Variants in TCP10L observed in about 807,000 individuals in gnomAD.
TCP10L encodes t-complex 10 like.
A neutral mutation model predicts 19.2 loss-of-function variants in TCP10L; 11 were observed. That is an observed-to-expected ratio of 0.57 (90% CI 0.36 to 0.95). TCP10L has a LOEUF of 0.95. Ranked by LOEUF, TCP10L falls within the 40% of genes least tolerant of loss-of-function variation. The probability of loss-of-function intolerance (pLI) is 0.01; values close to 1 mark genes in which losing one functional copy is unlikely to be tolerated. For synonymous variants in TCP10L, 96 were observed against 97.2 expected (o/e 0.99, Z 0.07); for missense variants, 247 against 263.9 (o/e 0.94, Z 0.44).
In TCP10L at chr21:32,578,369, A is replaced by G. The variant is rs1422675967; in HGVS notation, c.498+325T>C. Among the ~76,000 whole-genome samples, 1 of 152,244 alleles carries G rather than the reference A, an allele frequency of 6.6e-6. No homozygotes were observed. The highest frequency in any genetic ancestry group is 2.4e-5 in the African/African-American group (1 of 41,468). On this transcript the variant is annotated intron_variant, in intron 4 of 4. Coordinates refer to ENST00000300258, the MANE Select transcript of TCP10L (RefSeq NM_144659.7). The surrounding 1 kb of genome is among the most constrained non-coding windows in gnomAD (Gnocchi z 4.2). ...AGCCCTCAGACTCACGGGTGGAGACAGTGCCACACACATCACCTCCGCAGC... is the reference window on the plus strand; with the variant it reads ...AGCCCTCAGACTCACGGGTGGAGACGGTGCCACACACATCACCTCCGCAGC...
In TCP10L at chr21:32,582,832, A is replaced by G. The variant is rs912364183; in HGVS notation, c.145-417T>C. Among the ~76,000 whole-genome samples, 3 of 152,020 alleles carry G rather than the reference A, an allele frequency of 2.0e-5. No homozygotes were observed. Among genetic ancestry groups the G allele is most frequent in the Non-Finnish European group, 4.4e-5 (3 of 67,990 alleles). On this transcript the variant is annotated intron_variant, in intron 2 of 4. Transcript: ENST00000300258. The surrounding 1 kb of genome is among the most constrained non-coding windows in gnomAD (Gnocchi z 4.2). ...GGTCTCAAACTCCTGGGCTCAAGCA[A>G]TCCACCTGCCTCGGCCTCCCAAAGT... is the stretch of plus-strand genomic sequence containing the variant.
rs1004182674 is a variant in TCP10L, at chr21:32,578,443, C to T, written c.498+251G>A. On this transcript the variant is annotated intron_variant, in intron 4 of 4. Coordinates refer to ENST00000300258, the MANE Select transcript of TCP10L (RefSeq NM_144659.7). The surrounding 1 kb of genome is among the most constrained non-coding windows in gnomAD (Gnocchi z 4.2). Reference sequence around the variant, plus strand: ...CCAAGTCCCCTCGGCCCCAGCCAGACGCTTGCTGCTGTGAGTGTACTCAGA... The same window carrying T: ...CCAAGTCCCCTCGGCCCCAGCCAGATGCTTGCTGCTGTGAGTGTACTCAGA... 3.3e-5 allele frequency among the ~76,000 whole-genome samples: 5 copies of T among 152,236 alleles called. No individual in the cohort carries two copies. The highest frequency in any genetic ancestry group is 4.4e-5 in the Non-Finnish European group (3 of 68,046).
At position 32,576,739 on chromosome 21, in the gene TCP10L, G is replaced by C; in HGVS notation, c.*35C>G. ...CTGAATTTTCCAAGGGGCCAGTGTAGAGTGACACAGGTGTCCGAGGCCACC... is the reference window on the plus strand; with the variant it reads ...CTGAATTTTCCAAGGGGCCAGTGTACAGTGACACAGGTGTCCGAGGCCACC... On this transcript the variant is annotated 3_prime_UTR_variant, in exon 5 of 5. Coordinates refer to ENST00000300258, the MANE Select transcript of TCP10L (RefSeq NM_144659.7). The C allele has an allele frequency of 6.2e-7, 1 of 1,605,740 alleles. No homozygotes were observed. Among genetic ancestry groups the C allele is most frequent in the Non-Finnish European group, 8.5e-7 (1 of 1,176,536 alleles).
At chr21:32,577,114 G>A (rs1243841092) in intron 4 of TCP10L, among the ~76,000 whole-genome samples, 191 bp from the exon 5 acceptor site, 2 of 152,158 alleles carry the variant, frequency 1.3e-5, no homozygotes, top group African/African-American at 2.4e-5. Context: ...TGTGAAATTT[G>A]GGATTCCAAT....
At position 32,582,060 on chromosome 21, in the gene TCP10L, T is replaced by C. The variant is rs2038500310; in HGVS notation, c.360+140A>G. On this transcript the variant is annotated intron_variant, in intron 3 of 4. Coordinates refer to ENST00000300258, the MANE Select transcript of TCP10L (RefSeq NM_144659.7). This position sits in a 1 kb window ranked among gnomAD's most constrained non-coding sequence, Gnocchi z 4.2. ...TAATCATTACTTACGGGAAATGGAG[T>C]TGATGGAAAGATAGCAACCCCTCCC... 1.1e-6 allele frequency: 1 copy of C among 908,002 alleles called. No homozygotes were observed. Among genetic ancestry groups the C allele is most frequent in the Non-Finnish European group, 1.7e-6 (1 of 587,244 alleles). 56.2% of individuals were successfully genotyped at this position (908,002 alleles called of 1,614,324 possible). A position where few individuals can be genotyped will look rare whatever the true frequency, so the allele number is the denominator to read the frequency against.
chr21:32,580,597 G>A (rs1046496043), intron 3 of TCP10L, among the ~76,000 whole-genome samples: 1 of 151,906 alleles, frequency 6.6e-6, no homozygotes, highest in Non-Finnish European at 1.5e-5. Context: ...ATGCAGCTAG[G>A]AAATGTTAGT....
At chr21:32,581,839 T>C (rs538307591) in intron 3 of TCP10L, among the ~76,000 whole-genome samples, 1 of 152,226 alleles carries the variant, frequency 6.6e-6, no homozygotes, top group East Asian at 1.9e-4. Flanking sequence ...ATCCATTTCA[T>C]AGGGTCGTCA....
chr21:32,580,476 C>CTGTGTGTGTGTGTGTGTGTGTG (rs3056366), intron 3 of TCP10L, among the ~76,000 whole-genome samples: 2 of 137,236 alleles, frequency 1.5e-5, no homozygotes, highest in East Asian at 4.3e-4. Context: ...CGGTGGGTGC[C>CTGTGTGTGTGTGTGTGTGTGTG]TGTGTGTGTG....
At chr21:32,585,377 A>G in intron 1 of TCP10L, 44 bp downstream of exon 1, 1 of 185,456 alleles carries the variant, frequency 5.4e-6, no homozygotes, top group Non-Finnish European at 1.2e-5. Context: ...CAGTCCAGGG[A>G]AGACCCTTTC....
intron 3 of TCP10L, among the ~76,000 whole-genome samples, chr21:32,581,850 T>C (rs2038497940): frequency 6.6e-6 from 1 of 152,092 alleles, no homozygotes; most frequent in African/African-American, 2.4e-5. Flanking sequence ...AGGGTCGTCA[T>C]AGAGAGTAAG....
intron 3 of TCP10L, among the ~76,000 whole-genome samples, chr21:32,580,174 C>T (rs941659026): frequency 2.0e-5 from 3 of 152,014 alleles, no homozygotes; most frequent in African/African-American, 4.8e-5. Context: ...GGCGCGATCT[C>T]GGCTCACTGC....
chr21:32,576,174 CG>C lies in TCP10L; in HGVS notation c.*599del. 1.7e-6 allele frequency: 2 copies of C among 1,179,952 alleles called. No homozygotes were observed. Among genetic ancestry groups the C allele is most frequent in the Non-Finnish European group, 1.2e-6 (1 of 830,872 alleles). 73.1% of individuals were successfully genotyped at this position (1,179,952 alleles called of 1,614,324 possible). Reference sequence around the variant, plus strand: ...ATCCACGAGAAAGCCCCGCATTTCACGGGGAGCATAGAAACAGGAGTCCCCA... The same window carrying C: ...ATCCACGAGAAAGCCCCGCATTTCACGGGAGCATAGAAACAGGAGTCCCCA... On this transcript the variant is annotated 3_prime_UTR_variant, in exon 5 of 5. Transcript: ENST00000300258.
chr21:32,578,518 A>G lies in TCP10L; in HGVS notation c.498+176T>C, dbSNP rs117553688. On this transcript the variant is annotated intron_variant, in intron 4 of 4. Transcript: ENST00000300258. This position sits in a 1 kb window ranked among gnomAD's most constrained non-coding sequence, Gnocchi z 4.2. Reference sequence around the variant, plus strand: ...ATCTGCTCCACAGCAAGAAGTGCTAAGGGTTAGGATCTTGTTTGAAAGGCA... The same window carrying G: ...ATCTGCTCCACAGCAAGAAGTGCTAGGGGTTAGGATCTTGTTTGAAAGGCA... Among the ~76,000 whole-genome samples the G allele has an allele frequency of 7.1e-4, 108 of 152,358 alleles. 1 individual carries two copies. The East Asian group carries it at 0.019, about 27-fold the overall frequency.
Position 32,576,224 on chromosome 21 carries a change from CT to C in TCP10L, c.*549del. ...CAACTCTGCTCACCAGCTCCTCCGG[CT>C]GCTGCCATCTGCTCCTGCAGCATGG... On this transcript the variant is annotated 3_prime_UTR_variant, in exon 5 of 5. Coordinates refer to ENST00000300258, the MANE Select transcript of TCP10L (RefSeq NM_144659.7). 6.6e-7 allele frequency: 1 copy of C among 1,520,490 alleles called. No individual in the cohort carries two copies. Among genetic ancestry groups the C allele is most frequent in the Middle Eastern group, 2.1e-4 (1 of 4,868 alleles). 94.2% of individuals were successfully genotyped at this position (1,520,490 alleles called of 1,614,324 possible). A position where few individuals can be genotyped will look rare whatever the true frequency, so the allele number is the denominator to read the frequency against.
intron 2 of TCP10L, among the ~76,000 whole-genome samples, 163 bp downstream of exon 2, chr21:32,583,998 G>T (rs2038528788): frequency 6.6e-6 from 1 of 152,202 alleles, no homozygotes; most frequent in Admixed American, 6.5e-5. Context: ...TGCAGAGGGG[G>T]AAAGAGCCAC....
chr21:32,576,882 T>C lies in TCP10L; in HGVS notation c.540A>G (p.Thr180=), dbSNP rs749894166. The C allele has an allele frequency of 6.2e-7, 1 of 1,614,196 alleles. No homozygotes were observed. Among genetic ancestry groups the C allele is most frequent in the Admixed American group, 1.7e-5 (1 of 60,032 alleles). ...LKIERISSWK[T]PPQENRDKNL... ...TTTTATCTCTATTTTCCTGTGGTGG[T>C]GTTTTCCACGAGCTAATTCTTTCTA... The change falls in exon 5 of 5, where the codon ACA becomes ACG. Residue 180 remains threonine (T), a synonymous_variant. Transcript: ENST00000300258.
In TCP10L at chr21:32,584,197, C is replaced by T; in HGVS notation, c.108G>A (p.Glu36=). Residue 36 remains glutamate, a synonymous_variant, in exon 2 of 5, where the codon GAG becomes GAA. Coordinates refer to ENST00000300258, the MANE Select transcript of TCP10L (RefSeq NM_144659.7). ...CAGTGTTGCAGTCCTCCGTGAGAACCTCGGCTGCCACAGCTGTCTTCTCCA... is the reference window on the plus strand; with the variant it reads ...CAGTGTTGCAGTCCTCCGTGAGAACTTCGGCTGCCACAGCTGTCTTCTCCA... ...AVMEKTAVAA[E]VLTEDCNTGE... 2 of 1,614,080 alleles carry T rather than the reference C, an allele frequency of 1.2e-6. No homozygotes were observed. Among genetic ancestry groups the T allele is most frequent in the East Asian group, 2.2e-5 (1 of 44,858 alleles).
In TCP10L at chr21:32,584,245, C is replaced by G; in HGVS notation, c.60G>C (p.Pro20=). 1 of 1,614,106 alleles carries G rather than the reference C, an allele frequency of 6.2e-7. No individual in the cohort carries two copies. The highest frequency in any genetic ancestry group is 1.7e-4 in the Middle Eastern group (1 of 6,056). The part of the protein sequence containing the change: ...DPKEGTHPED[P]CPGAGAVMEK... ...CCATGACAGCCCCAGCTCCTGGGCA[C>G]GGGTCCTCTGGGTGGGTGCCCTCTT... is the stretch of plus-strand genomic sequence containing the variant. The change falls in exon 2 of 5, where the codon CCG becomes CCC. Residue 20 remains proline, a synonymous_variant. Coordinates refer to ENST00000300258, the MANE Select transcript of TCP10L (RefSeq NM_144659.7).
At chr21:32,581,535 T>C (rs776418827) in intron 3 of TCP10L, among the ~76,000 whole-genome samples, 1 of 152,080 alleles carries the variant, frequency 6.6e-6, no homozygotes, top group African/African-American at 2.4e-5. Flanking sequence ...GCTGGAAACA[T>C]TCACCCCCAG....
Sources: gnomAD v4.1 joint callset for allele counts (sites outside exome capture counted in the v4.1 genomes callset) on GRCh38, gnomAD v4.1.1 for gene constraint, Gnocchi (gnomAD v3.1) non-coding constraint, MANE v1.5 for transcripts, NCBI Gene and HGNC (gene_info 2026-07-23, HGNC 2026-07-21) for gene names.